RBPJ: variants seen among roughly 807,000 people sequenced by gnomAD.
The protein encoded by RBPJ is recombination signal binding protein for immunoglobulin kappa J region.
A neutral mutation model predicts 67.8 loss-of-function variants in RBPJ; 9 were observed. The observed-to-expected ratio is 0.13, with a 90% CI of 0.08 to 0.23. The LOEUF is 0.23. Among genes scored for constraint, RBPJ ranks in the 10% least tolerant of loss-of-function variants. The probability of loss-of-function intolerance (pLI) is 1.00; values close to 1 mark genes in which losing one functional copy is unlikely to be tolerated. For missense variants in RBPJ, 305 were observed against 595.6 expected, an observed-to-expected ratio of 0.51 and a Z score of 5.08; for synonymous variants, 198 against 203.3, an observed-to-expected ratio of 0.97 and a Z score of 0.22.
upstream of RBPJ, among the ~76,000 whole-genome samples, chr4:26,160,958 T>C (rs1443072594): frequency 6.6e-6 from 1 of 152,216 alleles, no homozygotes; most frequent in Non-Finnish European, 1.5e-5. Context: ...TACCAAATAC[T>C]AGCTCTGGAT....
chr4:26,172,845 T>C (rs1290508288), intron 1 of RBPJ, among the ~76,000 whole-genome samples: 2 of 152,202 alleles, frequency 1.3e-5, no homozygotes, highest in Non-Finnish European at 2.9e-5. Context: ...ACATAACTTA[T>C]ATGTAGAACT....
chr4:26,231,494 C>A (rs1182450764), intron 1 of RBPJ, among the ~76,000 whole-genome samples: 2 of 151,710 alleles, frequency 1.3e-5, no homozygotes, highest in Admixed American at 1.3e-4. Flanking sequence ...TCACTGCAAC[C>A]TCTGCCTCCC....
At chr4:26,360,522 C>A (rs1379825247) in intron 1 of RBPJ, among the ~76,000 whole-genome samples, 1 of 151,604 alleles carries the variant, frequency 6.6e-6, no homozygotes, top group Non-Finnish European at 1.5e-5. Flanking sequence ...CCCTTGGGAC[C>A]TCACAGCATA....
At chr4:26,319,743 C>A, upstream of RBPJ, 1 of 888,434 alleles carries the variant, frequency 1.1e-6, no homozygotes, top group Non-Finnish European at 1.9e-6. Context: ...TCGCGCGGGC[C>A]GCGCCAATCC....
intron 5 of RBPJ, among the ~76,000 whole-genome samples, chr4:26,421,857 A>T (rs1034123343): frequency 5.9e-5 from 9 of 152,070 alleles, no homozygotes; most frequent in African/African-American, 2.2e-4. Context: ...ATCCTATTTC[A>T]TGTACAGATT....
Position 26,214,706 on chromosome 4 carries a change from AAG to A in RBPJ, c.-167+51093_-167+51094del, listed in dbSNP as rs1229366740. On this transcript the variant is annotated intron_variant, in intron 1 of 4. Coordinates refer to the RBPJ transcript ENST00000512351. Reference sequence around the variant, plus strand: ...GGAGAGAGGGAGGAAGGATGGAAGGAAGGAAGGAGAGAGAGAGAAAGAAAGAG... The same window carrying A: ...GGAGAGAGGGAGGAAGGATGGAAGGAGAAGGAGAGAGAGAGAAAGAAAGAG... Among the ~76,000 whole-genome samples, 657 of 70,274 alleles carry A rather than the reference AAG, an allele frequency of 9.3e-3. 21 individuals carry two copies. The highest frequency in any genetic ancestry group is 0.051 in the African/African-American group (625 of 12,228). The allele number at this position is 70,274 out of a possible 152,430, so 46.1% of individuals were successfully genotyped here. A position where few individuals can be genotyped will look rare whatever the true frequency, so the allele number is the denominator to read the frequency against.
rs73114541 is a variant in RBPJ, at chr4:26,279,705, G to A, written c.-166-82741G>A. Among the ~76,000 whole-genome samples, 133 of 151,742 alleles carry A rather than the reference G, an allele frequency of 8.8e-4. 1 individual carries two copies. The highest frequency in any genetic ancestry group is 3.1e-3 in the African/African-American group (127 of 41,422). On this transcript the variant is annotated intron_variant, in intron 1 of 4. Transcript: ENST00000512351. The stretch of plus-strand genomic sequence containing the variant: ...GTAAAACTTCCTAAGAAGATGGCAG[G>A]TTTTTGCATGCCACAATTAAAACTT...
At chr4:26,340,633 G>A (rs1009515244) in intron 1 of RBPJ, among the ~76,000 whole-genome samples, 3 of 152,140 alleles carry the variant, frequency 2.0e-5, no homozygotes, top group African/African-American at 7.2e-5. Flanking sequence ...GCCGAGGTGG[G>A]TGGATAATGA....
intron 1 of RBPJ, among the ~76,000 whole-genome samples, chr4:26,326,791 C>T (rs1577443077): frequency 6.6e-6 from 1 of 152,094 alleles, no homozygotes; most frequent in Non-Finnish European, 1.5e-5. Flanking sequence ...GAATCAGTTT[C>T]CTCTGGTAAC....
At chr4:26,128,712 C>A in the RBPJ span, among the ~76,000 whole-genome samples, 3 of 152,100 alleles carry the variant, frequency 2.0e-5, no homozygotes, top group African/African-American at 4.8e-5. Context: ...GGCTGTGTCC[C>A]CACCCAAATC....
chr4:26,320,906 G>A, upstream of RBPJ: 1 of 1,595,294 alleles, frequency 6.3e-7, no homozygotes, highest in African/African-American at 1.3e-5. Context: ...GAGGGGAAAG[G>A]GAGCGCGGGG....
At chr4:26,356,878 C>G (rs1162800829) in intron 1 of RBPJ, among the ~76,000 whole-genome samples, 3 of 152,138 alleles carry the variant, frequency 2.0e-5, no homozygotes, top group African/African-American at 7.2e-5. Flanking sequence ...CCAAGTTGTT[C>G]TTATGTTTCT....
intron 1 of RBPJ, among the ~76,000 whole-genome samples, chr4:26,178,103 C>T (rs1399818042): frequency 6.6e-6 from 1 of 152,210 alleles, no homozygotes; most frequent in Non-Finnish European, 1.5e-5. Flanking sequence ...ATGAACATCT[C>T]TGAAGACATT....
chr4:26,364,789 C>T (rs1194570041), intron 1 of RBPJ, among the ~76,000 whole-genome samples: 1 of 151,798 alleles, frequency 6.6e-6, no homozygotes, highest in Non-Finnish European at 1.5e-5. Flanking sequence ...CCATGCCCAG[C>T]TAATTTTTTG....
In RBPJ at chr4:26,428,817, G is replaced by A; in HGVS notation, c.845G>A (p.Arg282Lys). 1 of 1,603,126 alleles carries A rather than the reference G, an allele frequency of 6.2e-7. No homozygotes were observed. The highest frequency in any genetic ancestry group is 8.5e-7 in the Non-Finnish European group (1 of 1,170,190). ...KCAFYLKDTE[R>K]MYLCLSQERI... ...GCATTTTACCTTAAGGATACAGAAA[G>A]AATGTATTTGTGCCTTTCTCAAGAA... is the stretch of plus-strand genomic sequence containing the variant. The change falls in exon 8 of 11, where the codon AGA (arginine) becomes AAA (lysine). Residue 282 changes from arginine (R) to lysine (K), a missense_variant. By Grantham distance (26) the Arg-to-Lys change is conservative. Around this residue, in one of 7 missense-constraint regions of RBPJ, gnomAD observed 66 missense variants for 226.0 expected, o/e 0.29. Transcript: ENST00000355476.
intron 1 of RBPJ, among the ~76,000 whole-genome samples, chr4:26,348,556 A>G (rs1330804271): frequency 6.6e-6 from 1 of 152,194 alleles, no homozygotes; most frequent in African/African-American, 2.4e-5. Flanking sequence ...ATGTACCCCA[A>G]TATATGTGAT....
At chr4:26,346,638 C>T (rs1726179799) in intron 1 of RBPJ, among the ~76,000 whole-genome samples, 1 of 152,102 alleles carries the variant, frequency 6.6e-6, no homozygotes, top group South Asian at 2.1e-4. Context: ...ACTTCCATAC[C>T]CTCACTATCT....
intron 1 of RBPJ, among the ~76,000 whole-genome samples, chr4:26,282,758 T>C (rs2109276695): frequency 6.6e-6 from 1 of 152,088 alleles, no homozygotes; most frequent in South Asian, 2.1e-4. Context: ...TGACCTCAGG[T>C]GATCCACCCA....
chr4:26,243,099 C>A lies in RBPJ; in HGVS notation c.-167+79485C>A, dbSNP rs138687581. ...AAAAGTAGCCGGGCATGGTGGCCGG[C>A]GCCTGTAATCCCATCTACTCGGGAG... On this transcript the variant is annotated intron_variant, in intron 1 of 4. Coordinates refer to the RBPJ transcript ENST00000512351. Among the ~76,000 whole-genome samples the A allele has an allele frequency of 9.7e-3, 1,480 of 152,070 alleles. 17 individuals carry two copies. Among genetic ancestry groups the A allele is most frequent in the African/African-American group, 0.034 (1,408 of 41,472 alleles).
Sources: gnomAD v4.1 joint callset for allele counts (sites outside exome capture counted in the v4.1 genomes callset) on GRCh38, gnomAD v4.1.1 for gene constraint, gnomAD v4.1.1 regional missense constraint, MANE v1.5 for transcripts, NCBI Gene and HGNC (gene_info 2026-07-23, HGNC 2026-07-21) for gene names.